SYNJ2: variants seen among roughly 807,000 people sequenced by gnomAD.
SYNJ2 encodes the protein synaptojanin 2, also known as polyphosphatidylinositol phosphatase SYNJ2.
SYNJ2 carries 116 observed loss-of-function variants against 141.3 expected under a neutral mutation model. That is an observed-to-expected ratio of 0.82 (90% CI 0.71 to 0.96). The LOEUF is 0.96. Among genes scored for constraint, SYNJ2 ranks in the 40% least tolerant of loss-of-function variants. The probability of loss-of-function intolerance (pLI) is 0.00; values close to 1 mark genes in which losing one functional copy is unlikely to be tolerated. For synonymous variants in SYNJ2, 745 were observed against 777.7 expected (o/e 0.96, Z 0.70); for missense variants, 1,873 against 1,934.8 (o/e 0.97, Z 0.60).
intron 3 of SYNJ2, among the ~76,000 whole-genome samples, chr6:158,031,531 T>C (rs563993231): frequency 6.6e-6 from 1 of 152,308 alleles, no homozygotes. Flanking sequence ...AGGCTCAGGG[T>C]GGAGCCCCCA....
chr6:157,991,020 CT>C (rs1777403281), intron 1 of SYNJ2, among the ~76,000 whole-genome samples: 1 of 152,204 alleles, frequency 6.6e-6, no homozygotes, highest in Non-Finnish European at 1.5e-5. Flanking sequence ...GCCCCAGTCT[CT>C]TTTTCAGCTG....
chr6:158,085,925 A>G (rs1783003643), intron 22 of SYNJ2, among the ~76,000 whole-genome samples: 1 of 151,746 alleles, frequency 6.6e-6, no homozygotes. Flanking sequence ...CTCTTCCCAT[A>G]AGAAGGACCT....
chr6:158,062,281 C>A, intron 8 of SYNJ2, 117 bp downstream of exon 8: 1 of 1,488,398 alleles, frequency 6.7e-7, no homozygotes, highest in South Asian at 1.4e-5. Context: ...GCCGTGCAGT[C>A]TAGGACATGT....
chr6:157,999,356 C>A (rs12198470), intron 1 of SYNJ2, among the ~76,000 whole-genome samples: 8,412 of 152,334 alleles, frequency 0.055, 371 homozygotes, highest in South Asian at 0.2. Flanking sequence ...GCTCAGTTAC[C>A]CCAGCTCCTG....
intron 18 of SYNJ2, chr6:158,078,705 A>G (rs1466073084): frequency 6.5e-6 from 1 of 153,296 alleles, no homozygotes; most frequent in Non-Finnish European, 1.4e-5. Flanking sequence ...CTTACAACTT[A>G]TCCATTCACC....
At chr6:158,055,877 G>GAGA (rs1780841002) in intron 6 of SYNJ2, among the ~76,000 whole-genome samples, 2 of 152,158 alleles carry the variant, frequency 1.3e-5, no homozygotes, top group Non-Finnish European at 2.9e-5. Context: ...ATTTAATCAA[G>GAGA]TATAGACAAG....
chr6:158,051,736 C>T lies in SYNJ2; in HGVS notation c.796-3231C>T, dbSNP rs377218121. 2.9e-4 allele frequency among the ~76,000 whole-genome samples: 43 copies of T among 150,158 alleles called. No homozygotes were observed. The East Asian group carries it at 6.1e-3, about 21-fold the overall frequency. On this transcript the variant is annotated intron_variant, in intron 5 of 26. Coordinates refer to ENST00000355585, the MANE Select transcript of SYNJ2 (RefSeq NM_003898.4). Reference sequence around the variant, plus strand: ...CCGAGGTGGGTGGATCACTTGAGCCCGGGAGTTCAAGACCAACGTGGGCAG... The same window carrying T: ...CCGAGGTGGGTGGATCACTTGAGCCTGGGAGTTCAAGACCAACGTGGGCAG...
chr6:158,083,664 C>T (rs1390812383), intron 21 of SYNJ2, 67 bp downstream of exon 21: 2 of 1,592,288 alleles, frequency 1.3e-6, no homozygotes. Context: ...CTTTTAAGGA[C>T]ACCTTCTAAA....
rs930212710 is a variant in SYNJ2 at position 158,096,251 on chromosome 6, A to T, written c.4378A>T (p.Lys1460Ter). The change falls in exon 27 of 27, where the codon AAG (lysine) becomes TAG (stop). Residue 1460 changes from lysine (K) to a stop codon, truncating the protein, a stop_gained. Transcript: ENST00000355585. LOFTEE classifies it low-confidence loss of function (END_TRUNC). The stretch of plus-strand genomic sequence containing the variant: ...AGTGTCAGCTGGCGCTTCAGCTGCC[A>T]AGGCAGAGCTGCCACCAGATCATGA... ...DPVSAGASAA[K>*]AELPPDHEHK... The T allele has an allele frequency of 6.2e-7, 1 of 1,614,256 alleles. No individual in the cohort carries two copies. Among genetic ancestry groups the T allele is most frequent in the Non-Finnish European group, 8.5e-7 (1 of 1,180,044 alleles).
chr6:158,030,172 A>T (rs555726757), intron 3 of SYNJ2, among the ~76,000 whole-genome samples: 1 of 152,258 alleles, frequency 6.6e-6, no homozygotes, highest in East Asian at 1.9e-4. Context: ...TAAATTATCT[A>T]TTGCCCTTTC....
At chr6:158,008,980 G>A (rs1444757230) in intron 1 of SYNJ2, among the ~76,000 whole-genome samples, 4 of 152,186 alleles carry the variant, frequency 2.6e-5, no homozygotes, top group Admixed American at 2.0e-4. Flanking sequence ...CACACTGCCC[G>A]CCTCGCTGGG....
At chr6:158,017,397 T>C in intron 2 of SYNJ2, 107 bp downstream of exon 2, 5 of 877,262 alleles carry the variant, frequency 5.7e-6, no homozygotes, top group Non-Finnish European at 8.0e-6. Flanking sequence ...CGCTCTTCTC[T>C]CTCTCTTCTT....
chr6:158,068,062 C>T (rs1206015559), intron 12 of SYNJ2: 1 of 875,760 alleles, frequency 1.1e-6, no homozygotes, highest in African/African-American at 1.8e-5. Flanking sequence ...AGAGATACAC[C>T]AGGTTCCAGA....
intron 7 of SYNJ2, among the ~76,000 whole-genome samples, chr6:158,061,345 A>G (rs1464457487): frequency 6.6e-6 from 1 of 152,218 alleles, no homozygotes; most frequent in Non-Finnish European, 1.5e-5. Context: ...GGGAGCTGCC[A>G]GGCCAGGGAA....
intron 7 of SYNJ2, 116 bp from the exon 8 acceptor site, chr6:158,061,876 C>A: frequency 9.5e-7 from 1 of 1,048,074 alleles, no homozygotes; most frequent in Non-Finnish European, 1.4e-6. Context: ...CCAGCTAAAG[C>A]ACGTCCTGCG....
intron 4 of SYNJ2, among the ~76,000 whole-genome samples, chr6:158,038,421 A>C (rs1206245829): frequency 1.3e-5 from 2 of 152,102 alleles, no homozygotes; most frequent in Non-Finnish European, 2.9e-5. Flanking sequence ...AACTTAACCC[A>C]TGGTGACTTC....
At chr6:158,009,934 A>C (rs938186364) in intron 1 of SYNJ2, among the ~76,000 whole-genome samples, 13 of 152,148 alleles carry the variant, frequency 8.5e-5, no homozygotes, top group South Asian at 4.1e-4. Context: ...CAGCAGCTTC[A>C]TTTTGTTGTT....
In SYNJ2 at chr6:158,043,474, A is replaced by G; in HGVS notation, c.795+75A>G. ...CCCTTCCCTTCAATAGCTGGGGAAG[A>G]TTTCTTTTAACACGTTCGTTTCATG... On this transcript the variant is annotated intron_variant, in intron 5 of 26. Transcript: ENST00000355585. The surrounding 1 kb of genome is among the most constrained non-coding windows in gnomAD (Gnocchi z 4.0). 9.2e-7 allele frequency: 1 copy of G among 1,092,540 alleles called. No individual in the cohort carries two copies. The highest frequency in any genetic ancestry group is 1.4e-6 in the Non-Finnish European group (1 of 727,990). 67.7% of individuals were successfully genotyped at this position (1,092,540 alleles called of 1,614,324 possible).
At chr6:157,981,455 C>T (rs540013648), upstream of SYNJ2, among the ~76,000 whole-genome samples, 39 of 152,360 alleles carry the variant, frequency 2.6e-4, no homozygotes, top group South Asian at 7.9e-3. This position sits in a 1 kb window ranked among gnomAD's most constrained non-coding sequence, Gnocchi z 6.4. Context: ...GTCGAAAGGA[C>T]TCGTCCAGGG....
Sources: allele counts gnomAD v4.1 joint callset (sites outside exome capture counted in the v4.1 genomes callset), GRCh38; gene constraint gnomAD v4.1.1; non-coding constraint Gnocchi (gnomAD v3.1); transcripts MANE v1.5; gene names NCBI Gene and HGNC (gene_info 2026-07-23, HGNC 2026-07-21).